AK9: variants seen among roughly 807,000 people sequenced by gnomAD.
AK9 encodes the protein adenylate kinase domain containing 1.
Under a neutral mutation model 239.6 loss-of-function variants are expected in AK9, and 191 were observed. The observed-to-expected ratio is 0.80, with a 90% confidence interval of 0.71 to 0.90. The LOEUF is 0.90. Among genes scored for constraint, AK9 ranks in the 40% least tolerant of loss-of-function variants. The probability of loss-of-function intolerance (pLI) is 0.00; values close to 1 mark genes in which losing one functional copy is unlikely to be tolerated. For synonymous variants in AK9, 689 were observed against 721.0 expected (o/e 0.96, Z 0.71); for missense variants, 1,995 against 2,214.7 (o/e 0.90, Z 1.99).
chr6:109,668,199 CTTTT>C (rs1034678835), intron 5 of AK9, among the ~76,000 whole-genome samples: 10 of 151,192 alleles, frequency 6.6e-5, no homozygotes, highest in Admixed American at 6.6e-4. Context: ...GAAATGTCTT[CTTTT>C]GAGAAGTGTC....
At chr6:109,530,593 C>T (rs1333613230) in intron 28 of AK9, among the ~76,000 whole-genome samples, 1 of 152,154 alleles carries the variant, frequency 6.6e-6, no homozygotes, top group African/African-American at 2.4e-5. Flanking sequence ...ATACACATTC[C>T]GAGTCTACTT....
Position 109,493,382 on chromosome 6 carries a change from G to C in AK9, c.5723C>G (p.Pro1908Arg), listed in dbSNP as rs745845806. The change falls in exon 41 of 41, where the codon CCA becomes CGA. Residue 1908 changes from proline (P) to arginine (R), a missense_variant. Pro to Arg is a moderately radical substitution (Grantham distance 103). This residue lies in a region of AK9 where 391 missense variants were observed against 456.0 expected (regional missense o/e 0.86). Transcript: ENST00000424296. ...CACCTAAGTAAACTACCCATTAATTGGGTCTATATTTCTGAGAGAGAGAAA... is the reference window on the plus strand; with the variant it reads ...CACCTAAGTAAACTACCCATTAATTCGGTCTATATTTCTGAGAGAGAGAAA... ...KTFLSLRNID[P>R]ING is the part of the protein sequence containing the mutation. 1 of 1,613,436 alleles carries C rather than the reference G, an allele frequency of 6.2e-7. No individual in the cohort carries two copies. The highest frequency in any genetic ancestry group is 8.5e-7 in the Non-Finnish European group (1 of 1,179,584).
intron 8 of AK9, among the ~76,000 whole-genome samples, chr6:109,653,450 G>A (rs1266815770): frequency 6.6e-6 from 1 of 152,120 alleles, no homozygotes; most frequent in African/African-American, 2.4e-5. Flanking sequence ...ATGCATCTCT[G>A]TAAACTGCCT....
At chr6:109,564,469 T>C (rs1324896295) in intron 22 of AK9, among the ~76,000 whole-genome samples, 189 bp from the exon 23 acceptor site, 1 of 152,220 alleles carries the variant, frequency 6.6e-6, no homozygotes, top group Admixed American at 6.6e-5. Flanking sequence ...TAGATATATA[T>C]TTACCTGTTA....
At chr6:109,527,173 T>C (rs1227674501) in intron 29 of AK9, among the ~76,000 whole-genome samples, 2 of 152,196 alleles carry the variant, frequency 1.3e-5, no homozygotes, top group Non-Finnish European at 2.9e-5. Flanking sequence ...TACAGTCACA[T>C]TCTGAGACTA....
At chr6:109,543,697 C>T (rs1435993882) in intron 26 of AK9, among the ~76,000 whole-genome samples, 3 of 152,120 alleles carry the variant, frequency 2.0e-5, no homozygotes, top group East Asian at 2.0e-4. Flanking sequence ...ATCTGCCTGC[C>T]TCCACCTCCC....
intron 1 of AK9, among the ~76,000 whole-genome samples, chr6:109,677,503 T>G (rs1340856570): frequency 6.6e-6 from 1 of 152,130 alleles, no homozygotes; most frequent in Non-Finnish European, 1.5e-5. Flanking sequence ...TATGTTCAAA[T>G]TAATACATAA....
chr6:109,656,512 G>T (rs1459684696), intron 8 of AK9, among the ~76,000 whole-genome samples: 1 of 152,098 alleles, frequency 6.6e-6, no homozygotes, highest in Non-Finnish European at 1.5e-5. Context: ...TTTCCTCACT[G>T]GCTTTTGAAA....
intron 35 of AK9, among the ~76,000 whole-genome samples, chr6:109,500,619 G>A (rs1777511726): frequency 6.6e-6 from 1 of 152,142 alleles, no homozygotes; most frequent in Non-Finnish European, 1.5e-5. Context: ...TGTTAGGATA[G>A]AAATGATCTC....
At chr6:109,614,144 G>A (rs1021966388) in intron 15 of AK9, 39 bp downstream of exon 15, 3 of 1,478,848 alleles carry the variant, frequency 2.0e-6, no homozygotes, top group Non-Finnish European at 2.8e-6. Flanking sequence ...AAATGAAAAT[G>A]AGATCCACAA....
intron 27 of AK9, among the ~76,000 whole-genome samples, chr6:109,538,746 T>C (rs915892468): frequency 1.3e-5 from 2 of 152,210 alleles, no homozygotes; most frequent in Non-Finnish European, 2.9e-5. Flanking sequence ...CTGGTACCGG[T>C]TGTTCCTTTC....
At chr6:109,593,104 T>G (rs1203555701) in intron 17 of AK9, among the ~76,000 whole-genome samples, 1 of 152,090 alleles carries the variant, frequency 6.6e-6, no homozygotes, top group African/African-American at 2.4e-5. Flanking sequence ...TCAGAAGCCC[T>G]GTCTTGCAGC....
chr6:109,639,099 C>T, intron 10 of AK9, among the ~76,000 whole-genome samples: 1 of 152,150 alleles, frequency 6.6e-6, no homozygotes, highest in East Asian at 1.9e-4. Flanking sequence ...GTGAATAGTG[C>T]TGCAATAAAC....
At chr6:109,525,544 G>A (rs180832573) in intron 29 of AK9, among the ~76,000 whole-genome samples, 66 of 152,186 alleles carry the variant, frequency 4.3e-4, no homozygotes, top group Non-Finnish European at 8.2e-4. Context: ...CACAGCCAAC[G>A]AGCATATGAA....
chr6:109,629,703 G>A (rs796412980), intron 12 of AK9, among the ~76,000 whole-genome samples: 7 of 151,880 alleles, frequency 4.6e-5, no homozygotes, highest in African/African-American at 1.7e-4. Context: ...CGCGATCTCG[G>A]CTCACTGCAA....
chr6:109,564,429 TTTAA>T (rs1446704816), intron 22 of AK9, 149 bp from the exon 23 acceptor site: 2 of 606,702 alleles, frequency 3.3e-6, no homozygotes, highest in Non-Finnish European at 5.4e-6. Context: ...AAATTCATAA[TTTAA>T]TTATGCTTTG....
chr6:109,529,327 A>G (rs571103607), intron 28 of AK9, among the ~76,000 whole-genome samples: 23 of 152,190 alleles, frequency 1.5e-4, no homozygotes, highest in African/African-American at 4.1e-4. Context: ...AAAGTTTAGA[A>G]CTCCTTTTCA....
chr6:109,565,077 A>G (rs1235518666), intron 21 of AK9, among the ~76,000 whole-genome samples: 1 of 152,228 alleles, frequency 6.6e-6, no homozygotes, highest in African/African-American at 2.4e-5. Flanking sequence ...AATAATTGAC[A>G]CATGGCACAT....
chr6:109,565,655 T>C (rs1786381468), intron 21 of AK9, among the ~76,000 whole-genome samples: 1 of 152,178 alleles, frequency 6.6e-6, no homozygotes, highest in Non-Finnish European at 1.5e-5. Context: ...ATGTAAGACA[T>C]GCTGCACATA....
Sources: allele counts gnomAD v4.1 joint callset (sites outside exome capture counted in the v4.1 genomes callset), GRCh38; gene constraint gnomAD v4.1.1; regional missense constraint gnomAD v4.1.1; transcripts MANE v1.5; gene names NCBI Gene and HGNC (gene_info 2026-07-23, HGNC 2026-07-21).